Variants in TMEM132D observed in about 807,000 individuals in gnomAD.
The protein encoded by TMEM132D is mature OL transmembrane protein.
A neutral mutation model predicts 62.3 loss-of-function variants in TMEM132D; 21 were observed. The ratio of observed to expected loss-of-function variants is 0.34; its 90% confidence interval spans 0.24 to 0.49. TMEM132D has a LOEUF of 0.49. Among genes scored for constraint, TMEM132D ranks in the 20% least tolerant of loss-of-function variants. TMEM132D has a pLI of 0.99. For missense variants in TMEM132D, 1,346 were observed against 1,402.8 expected (o/e 0.96, Z 0.65); for synonymous variants, 621 against 575.6 (o/e 1.08, Z -1.13).
intron 2 of TMEM132D, among the ~76,000 whole-genome samples, chr12:129,581,966 C>G (rs978156221): frequency 6.6e-6 from 1 of 152,156 alleles, no homozygotes; most frequent in African/African-American, 2.4e-5. Context: ...CCCATTTGCC[C>G]AGAACACCAT....
chr12:129,703,515 G>A (rs1157362135), intron 1 of TMEM132D, among the ~76,000 whole-genome samples: 3 of 149,988 alleles, frequency 2.0e-5, no homozygotes, highest in East Asian at 3.9e-4. Flanking sequence ...TATGGTCCAC[G>A]ATGCACAGAA....
intron 1 of TMEM132D, among the ~76,000 whole-genome samples, chr12:129,801,131 T>C (rs999281666): frequency 7.9e-5 from 12 of 151,710 alleles, no homozygotes; most frequent in African/African-American, 2.4e-4. Context: ...AGCAGCGAGG[T>C]TGGGGGAGGG....
intron 2 of TMEM132D, among the ~76,000 whole-genome samples, chr12:129,552,781 G>T (rs925569202): frequency 6.6e-6 from 1 of 151,692 alleles, no homozygotes; most frequent in Non-Finnish European, 1.5e-5. Context: ...ATCTAGCTAC[G>T]TACCTACCTA....
At chr12:129,321,707 C>T (rs879274111) in intron 4 of TMEM132D, among the ~76,000 whole-genome samples, 3 of 152,042 alleles carry the variant, frequency 2.0e-5, no homozygotes, top group Non-Finnish European at 4.4e-5. Context: ...TACAGGCGCC[C>T]GCCACCACGC....
intron 3 of TMEM132D, among the ~76,000 whole-genome samples, chr12:129,411,266 G>C (rs1871960161): frequency 6.6e-6 from 1 of 152,150 alleles, no homozygotes; most frequent in Non-Finnish European, 1.5e-5. Flanking sequence ...CACCAACACA[G>C]TGTTAAATGA....
chr12:129,413,675 G>T (rs1050963606), intron 3 of TMEM132D, among the ~76,000 whole-genome samples: 4 of 152,082 alleles, frequency 2.6e-5, no homozygotes, highest in Non-Finnish European at 5.9e-5. Flanking sequence ...CTAAGGTTTT[G>T]AGTTCCACAA....
At chr12:129,797,935 C>T (rs182468537) in intron 1 of TMEM132D, among the ~76,000 whole-genome samples, 20 of 152,238 alleles carry the variant, frequency 1.3e-4, no homozygotes, top group Admixed American at 6.5e-4. Flanking sequence ...TGGGAACTGG[C>T]GGAAGGGGAC....
chr12:129,837,178 A>AT (rs1566003115), intron 1 of TMEM132D, among the ~76,000 whole-genome samples: 1 of 152,146 alleles, frequency 6.6e-6, no homozygotes, highest in Non-Finnish European at 1.5e-5. Flanking sequence ...TCTAGTAATT[A>AT]TTTTTTTATA....
rs781224747 is a variant in TMEM132D, at chr12:129,350,862, CT to C, written c.1116-13046del. Among the ~76,000 whole-genome samples the C allele has an allele frequency of 1.9e-4, 29 of 152,332 alleles. No individual in the cohort carries two copies. The East Asian group carries it at 2.3e-3, about 12-fold the overall frequency. Reference sequence around the variant, plus strand: ...AGAGACAAGAAGGCACCTTTTTAACCTAATTAGAAAACAGCTAAACTCCACC... The same window carrying C: ...AGAGACAAGAAGGCACCTTTTTAACCAATTAGAAAACAGCTAAACTCCACC... On this transcript the variant is annotated intron_variant, in intron 3 of 8. Coordinates refer to ENST00000422113, the MANE Select transcript of TMEM132D (RefSeq NM_133448.3).
chr12:129,266,302 G>A (rs1180525436), intron 4 of TMEM132D, among the ~76,000 whole-genome samples: 1 of 152,116 alleles, frequency 6.6e-6, no homozygotes, highest in Non-Finnish European at 1.5e-5. Flanking sequence ...TGCACAGCCT[G>A]TCAGGGGCTG....
chr12:129,845,695 G>C (rs138089901), intron 1 of TMEM132D, among the ~76,000 whole-genome samples: 2 of 152,256 alleles, frequency 1.3e-5, no homozygotes, highest in African/African-American at 4.8e-5. Flanking sequence ...AAATCAAAAT[G>C]ACACAGGGCA....
At chr12:129,485,329 A>G (rs1420755658) in intron 3 of TMEM132D, among the ~76,000 whole-genome samples, 1 of 152,138 alleles carries the variant, frequency 6.6e-6, no homozygotes, top group Non-Finnish European at 1.5e-5. Flanking sequence ...TTACCTCCCC[A>G]CACTTTCAGC....
intron 3 of TMEM132D, among the ~76,000 whole-genome samples, chr12:129,458,149 A>G (rs889555015): frequency 2.6e-5 from 4 of 152,080 alleles, no homozygotes; most frequent in Admixed American, 1.3e-4. Flanking sequence ...TGGGTCTTAC[A>G]TGGTGCCCAC....
chr12:129,473,862 G>A (rs988688597), intron 3 of TMEM132D, among the ~76,000 whole-genome samples: 2 of 152,118 alleles, frequency 1.3e-5, no homozygotes, highest in Non-Finnish European at 2.9e-5. Context: ...AAAACACCTG[G>A]TACATAGTAG....
At chr12:129,299,274 G>T (rs2135625744) in intron 4 of TMEM132D, among the ~76,000 whole-genome samples, 1 of 152,294 alleles carries the variant, frequency 6.6e-6, no homozygotes, top group East Asian at 1.9e-4. Flanking sequence ...CAACCATACA[G>T]GGAAATCCAG....
chr12:129,467,598 C>T (rs1052687925), intron 3 of TMEM132D, among the ~76,000 whole-genome samples: 1 of 152,178 alleles, frequency 6.6e-6, no homozygotes, highest in Non-Finnish European at 1.5e-5. Context: ...CCTCTGCACC[C>T]TCGGGTATCA....
At chr12:129,412,977 G>C (rs1286394019) in intron 3 of TMEM132D, among the ~76,000 whole-genome samples, 1 of 152,132 alleles carries the variant, frequency 6.6e-6, no homozygotes, top group Non-Finnish European at 1.5e-5. Flanking sequence ...GTCCTCACCT[G>C]GACTCATTTC....
chr12:129,320,538 T>C (rs1281287383), intron 4 of TMEM132D, among the ~76,000 whole-genome samples: 2 of 152,174 alleles, frequency 1.3e-5, no homozygotes, highest in Non-Finnish European at 1.5e-5. Flanking sequence ...AGACTGGAAA[T>C]GTAGGCAGGG....
chr12:129,236,469 C>T (rs543348444), intron 4 of TMEM132D, among the ~76,000 whole-genome samples: 6 of 141,618 alleles, frequency 4.2e-5, no homozygotes, highest in South Asian at 2.2e-4. Flanking sequence ...GAGCCGAGAT[C>T]GCACCATTGA....
Sources: gnomAD v4.1 joint callset for allele counts (sites outside exome capture counted in the v4.1 genomes callset) on GRCh38, gnomAD v4.1.1 for gene constraint, MANE v1.5 for transcripts, NCBI Gene and HGNC (gene_info 2026-07-23, HGNC 2026-07-21) for gene names.